TPTE2: variants seen among roughly 807,000 people sequenced by gnomAD.
TPTE2 encodes the protein transmembrane phosphoinositide 3-phosphatase and tensin homolog 2, also known as phosphatidylinositol 3,4,5-trisphosphate 3-phosphatase TPTE2.
A neutral mutation model predicts 78.6 loss-of-function variants in TPTE2; 53 were observed. That is an observed-to-expected ratio of 0.67 (90% CI 0.54 to 0.85). TPTE2 has a LOEUF of 0.85. TPTE2 is among the 40% of genes least tolerant of loss of function. TPTE2 has a pLI of 0.00. For missense variants in TPTE2, 461 were observed against 623.0 expected (o/e 0.74, Z 2.77); for synonymous variants, 175 against 206.2 (o/e 0.85, Z 1.30).
chr13:19,504,356 A>G (rs533985872), upstream of TPTE2, among the ~76,000 whole-genome samples: 12 of 152,078 alleles, frequency 7.9e-5, no homozygotes, highest in East Asian at 2.1e-3. Context: ...TTTCACCATC[A>G]TGGGTGTCTT....
At chr13:19,546,911 A>G in the TPTE2 span, among the ~76,000 whole-genome samples, 98 of 152,326 alleles carry the variant, frequency 6.4e-4, no homozygotes, top group African/African-American at 2.2e-3. Context: ...AGAAAAAAAA[A>G]TGGGAGGCTG....
intron 4 of TPTE2, among the ~76,000 whole-genome samples, chr13:19,478,437 A>G (rs1486143979): frequency 6.6e-6 from 1 of 152,256 alleles, no homozygotes; most frequent in Non-Finnish European, 1.5e-5. Context: ...CCATCAGAGA[A>G]ATGCAAATCA....
chr13:19,471,278 G>A lies in TPTE2; in HGVS notation c.392+2636C>T, dbSNP rs1879599756. Among the ~76,000 whole-genome samples the A allele has an allele frequency of 5.3e-5, 8 of 152,214 alleles. No homozygotes were observed. In the South Asian group the frequency reaches 1.7e-3, roughly 32 times the overall value. ...AAAGCTTAGTCTGCTGACACTCAGT[G>A]TTATCATTGATAAGTAAGAACTCAC... On this transcript the variant is annotated intron_variant, in intron 6 of 19. Transcript: ENST00000400230.
rs767628343 is a variant in TPTE2, at chr13:19,426,512, C to T, written c.1308G>A (p.Leu436=). The change falls in exon 18 of 20, where the codon TTG becomes TTA. Residue 436 remains leucine (L), a synonymous_variant. Coordinates refer to ENST00000400230, the Ensembl canonical transcript of TPTE2. ...ATATTTTGTCTGTTTCAATGTCATG[C>T]AATATCTATGAATGAACACATGGAA... is the stretch of plus-strand genomic sequence containing the variant. The T allele has an allele frequency of 7.1e-6, 11 of 1,554,342 alleles. No homozygotes were observed. In the South Asian group the frequency reaches 1.2e-4, roughly 17 times the overall value.
chr13:19,441,824 G>C (rs1169022021), intron 13 of TPTE2, among the ~76,000 whole-genome samples: 1 of 152,194 alleles, frequency 6.6e-6, no homozygotes, highest in East Asian at 1.9e-4. Context: ...AGTCAGTGTA[G>C]TAAGTAAATC....
chr13:19,470,021 C>A (rs1879507152), intron 6 of TPTE2, among the ~76,000 whole-genome samples: 1 of 152,060 alleles, frequency 6.6e-6, no homozygotes, highest in Admixed American at 6.5e-5. Flanking sequence ...TATTCCCTTT[C>A]TTTCTCTTCT....
At chr13:19,470,772 C>T (rs1486611031) in intron 6 of TPTE2, among the ~76,000 whole-genome samples, 6 of 151,846 alleles carry the variant, frequency 4.0e-5, no homozygotes, top group African/African-American at 1.5e-4. Context: ...GTAAACCACC[C>T]GCCTCTGCCT....
chr13:19,471,470 G>A (rs1472737957), intron 6 of TPTE2, among the ~76,000 whole-genome samples: 2 of 152,022 alleles, frequency 1.3e-5, no homozygotes, highest in Admixed American at 1.3e-4. Flanking sequence ...AGGTTACCAT[G>A]AGGCTTGTAA....
intron 7 of TPTE2, among the ~76,000 whole-genome samples, chr13:19,466,469 G>A (rs1244258073): frequency 6.6e-6 from 1 of 152,178 alleles, no homozygotes; most frequent in African/African-American, 2.4e-5. Context: ...AGCTTAGGAA[G>A]CCACCATCTA....
chr13:19,437,971 T>TTGAGTTTG, intron 14 of TPTE2, 121 bp downstream of exon 17: 2 of 1,400,260 alleles, frequency 1.4e-6, no homozygotes. Context: ...AAACTGCTTC[T>TTGAGTTTG]CTAATTACAA....
At chr13:19,525,153 T>C (rs1386225521) in intron 1 of TPTE2, among the ~76,000 whole-genome samples, 1 of 152,070 alleles carries the variant, frequency 6.6e-6, no homozygotes, top group Non-Finnish European at 1.5e-5. Context: ...AGGGTGGTAG[T>C]AAGAATTGAG....
chr13:19,499,141 T>A (rs1301716356), intron 1 of TPTE2, among the ~76,000 whole-genome samples: 1 of 151,994 alleles, frequency 6.6e-6, no homozygotes, highest in Non-Finnish European at 1.5e-5. Context: ...GCACCAAGAC[T>A]CATAAAGCAA....
chr13:19,436,138 G>A (rs1483113331), intron 15 of TPTE2, 88 bp downstream of exon 18: 38 of 1,109,588 alleles, frequency 3.4e-5, no homozygotes, highest in Non-Finnish European at 4.4e-5. Context: ...ATCACCAAAG[G>A]AGAAGAGTCT....
chr13:19,455,051 C>A (rs185225445), intron 10 of TPTE2, among the ~76,000 whole-genome samples: 268 of 152,244 alleles, frequency 1.8e-3, no homozygotes, highest in African/African-American at 6.2e-3. Context: ...CCATTCGGAG[C>A]AACAGAAAGT....
At chr13:19,540,782 C>A (rs914617571), upstream of TPTE2, among the ~76,000 whole-genome samples, 12 of 152,080 alleles carry the variant, frequency 7.9e-5, no homozygotes, top group Non-Finnish European at 1.2e-4. Context: ...TATAGAAATG[C>A]AACTGCAAAA....
chr13:19,549,119 CA>C, the TPTE2 span, among the ~76,000 whole-genome samples: 383 of 133,296 alleles, frequency 2.9e-3, 1 homozygote, highest in African/African-American at 9.9e-3. Context: ...AACTCTGTCT[CA>C]AAAAAAAAAA....
chr13:19,534,973 C>T lies in TPTE2; in HGVS notation c.-44+1623G>A, dbSNP rs942153021. On this transcript the variant is annotated intron_variant, in intron 1 of 17. Coordinates refer to the TPTE2 transcript ENST00000390680. The stretch of plus-strand genomic sequence containing the variant: ...ATCTCAGAACTTCGGGAGGCCGAGA[C>T]GGGTGTTATCACTTGAGGTCAGGAG... 8.5e-5 allele frequency among the ~76,000 whole-genome samples: 13 copies of T among 152,124 alleles called. No individual in the cohort carries two copies. The South Asian group carries it at 2.3e-3, about 27-fold the overall frequency.
intron 1 of TPTE2, among the ~76,000 whole-genome samples, chr13:19,499,121 C>T (rs1246786667): frequency 6.6e-6 from 1 of 152,050 alleles, no homozygotes; most frequent in African/African-American, 2.4e-5. Context: ...TATATGCACC[C>T]AATACAGGAG....
intron 1 of TPTE2, among the ~76,000 whole-genome samples, chr13:19,514,475 T>A (rs1214735156): frequency 2.0e-5 from 3 of 152,152 alleles, no homozygotes; most frequent in Non-Finnish European, 4.4e-5. Context: ...TCAGATATTT[T>A]GGAAGGCAAT....
Sources: allele counts gnomAD v4.1 joint callset (sites outside exome capture counted in the v4.1 genomes callset), GRCh38; gene constraint gnomAD v4.1.1; transcripts MANE v1.5; gene names NCBI Gene and HGNC (gene_info 2026-07-23, HGNC 2026-07-21).